PIK3C2G: variants seen among roughly 807,000 people sequenced by gnomAD.
PIK3C2G encodes the protein phosphatidylinositol-4-phosphate 3-kinase catalytic subunit type 2 gamma.
A neutral mutation model predicts 181.1 loss-of-function variants in PIK3C2G; 168 were observed. The ratio of observed to expected loss-of-function variants is 0.93; its 90% confidence interval spans 0.82 to 1.05. The LOEUF (loss-of-function observed/expected upper bound fraction) is 1.05. PIK3C2G is among the 50% of genes least tolerant of loss of function. The pLI is 0.00. For missense variants in PIK3C2G, 1,869 were observed against 1,732.8 expected, an observed-to-expected ratio of 1.08 and a Z score of -1.40; for synonymous variants, 573 against 592.2, an observed-to-expected ratio of 0.97 and a Z score of 0.47.
At chr12:18,488,395 G>A (rs1475118670) in intron 18 of PIK3C2G, 54 bp from the exon 19 acceptor site, 2 of 1,270,448 alleles carry the variant, frequency 1.6e-6, no homozygotes, top group Non-Finnish European at 2.1e-6. Context: ...GGCTGGATGT[G>A]GTTTAAAAAA....
At chr12:18,693,297 AT>A in the PIK3C2G span, 1 of 1,527,702 alleles carries the variant, frequency 6.5e-7, no homozygotes. Flanking sequence ...GGTCACAGTG[AT>A]GAAGGTGGAA....
chr12:18,279,052 G>A (rs1421369716), intron 1 of PIK3C2G, among the ~76,000 whole-genome samples: 1 of 151,956 alleles, frequency 6.6e-6, no homozygotes, highest in Non-Finnish European at 1.5e-5. Context: ...AAATTAAAAA[G>A]TTTTTAACCC....
chr12:18,601,303 C>A (rs1047571712), intron 30 of PIK3C2G, among the ~76,000 whole-genome samples: 9 of 151,540 alleles, frequency 5.9e-5, no homozygotes, highest in Non-Finnish European at 1.3e-4. Flanking sequence ...AAAAAAAATC[C>A]TGTCATTTGT....
At chr12:18,369,438 C>T (rs991252016) in intron 12 of PIK3C2G, among the ~76,000 whole-genome samples, 7 of 151,718 alleles carry the variant, frequency 4.6e-5, no homozygotes, top group African/African-American at 1.7e-4. Context: ...GACATATGAT[C>T]ATATAACGAT....
At chr12:18,529,104 C>G (rs1470883444) in intron 24 of PIK3C2G, among the ~76,000 whole-genome samples, 2 of 142,388 alleles carry the variant, frequency 1.4e-5, no homozygotes, top group Non-Finnish European at 3.0e-5. Context: ...ACAGCCTACG[C>G]TTTTTCCAGC....
the PIK3C2G span, among the ~76,000 whole-genome samples, chr12:18,656,600 G>A: frequency 8.4e-3 from 1,279 of 151,990 alleles, 22 homozygotes; most frequent in African/African-American, 0.029. Context: ...GCCAGGCATG[G>A]TTACATGCAC....
intron 16 of PIK3C2G, among the ~76,000 whole-genome samples, chr12:18,408,864 G>C (rs993738249): frequency 6.6e-6 from 1 of 152,184 alleles, no homozygotes. Flanking sequence ...TCTCAGGACA[G>C]TTAGAATGGC....
the PIK3C2G span, among the ~76,000 whole-genome samples, chr12:18,724,548 G>T: frequency 6.6e-6 from 1 of 152,060 alleles, no homozygotes; most frequent in Non-Finnish European, 1.5e-5. Flanking sequence ...TTGTGTCATG[G>T]TGGGATCTGT....
chr12:18,721,290 A>C, the PIK3C2G span, among the ~76,000 whole-genome samples: 2 of 151,492 alleles, frequency 1.3e-5, no homozygotes, highest in South Asian at 2.1e-4. Context: ...TCACATACCA[A>C]TGAGGGATGA....
chr12:18,630,849 A>G (rs1367651933), intron 31 of PIK3C2G, among the ~76,000 whole-genome samples: 1 of 152,142 alleles, frequency 6.6e-6, no homozygotes, highest in Non-Finnish European at 1.5e-5. Flanking sequence ...ACCATGAGTA[A>G]GGAAGTCCTC....
chr12:18,644,063 G>T (rs1949987692), intron 32 of PIK3C2G, among the ~76,000 whole-genome samples: 1 of 152,106 alleles, frequency 6.6e-6, no homozygotes, highest in African/African-American at 2.4e-5. Flanking sequence ...GAGAGGGGCT[G>T]GGTCGGGGAC....
chr12:18,589,844 T>C (rs1392937476), intron 29 of PIK3C2G, among the ~76,000 whole-genome samples: 2 of 152,012 alleles, frequency 1.3e-5, no homozygotes, highest in African/African-American at 4.8e-5. Flanking sequence ...AGGATTGTAA[T>C]GCTTTTCTTC....
chr12:18,723,210 A>G, the PIK3C2G span: 3 of 1,047,298 alleles, frequency 2.9e-6, no homozygotes, highest in Non-Finnish European at 2.8e-6. Flanking sequence ...TAATTTGATA[A>G]CCACAATTCA....
chr12:18,487,822 G>A (rs1163756358), intron 18 of PIK3C2G, among the ~76,000 whole-genome samples: 2 of 151,980 alleles, frequency 1.3e-5, no homozygotes, highest in Non-Finnish European at 2.9e-5. Flanking sequence ...CAGCTCTATA[G>A]CTTTATAGAA....
At chr12:18,557,328 T>C (rs1193449373) in intron 26 of PIK3C2G, among the ~76,000 whole-genome samples, 1 of 151,214 alleles carries the variant, frequency 6.6e-6, no homozygotes, top group Non-Finnish European at 1.5e-5. Context: ...CACAAACAAA[T>C]CAAAATAACA....
intron 22 of PIK3C2G, among the ~76,000 whole-genome samples, chr12:18,501,439 G>T (rs1941472609): frequency 6.6e-6 from 1 of 152,112 alleles, no homozygotes; most frequent in Admixed American, 6.5e-5. Context: ...CCTCCCACCA[G>T]GTCCCTCCTT....
At chr12:18,682,986 A>G in the PIK3C2G span, among the ~76,000 whole-genome samples, 1 of 152,040 alleles carries the variant, frequency 6.6e-6, no homozygotes, top group Non-Finnish European at 1.5e-5. Context: ...AAGCCAGTTG[A>G]AAACAACTCA....
At chr12:18,620,368 A>G (rs1218401640) in intron 31 of PIK3C2G, among the ~76,000 whole-genome samples, 1 of 152,102 alleles carries the variant, frequency 6.6e-6, no homozygotes, top group African/African-American at 2.4e-5. Flanking sequence ...TTTGCCCTCA[A>G]AAATACTTTT....
In PIK3C2G at chr12:18,500,007, G is replaced by A. The variant is rs527342181; in HGVS notation, c.3016+2259G>A. Among the ~76,000 whole-genome samples the A allele has an allele frequency of 3.9e-5, 6 of 152,362 alleles. No individual in the cohort carries two copies. In the East Asian group the frequency reaches 1.2e-3, roughly 29 times the overall value. On this transcript the variant is annotated intron_variant, in intron 22 of 32. Coordinates refer to ENST00000538779, the MANE Select transcript of PIK3C2G (RefSeq NM_001288772.2). The stretch of plus-strand genomic sequence containing the variant: ...CTGGCAGTCCTCACAGCCCTCGCTC[G>A]CTCTCGGCGCCTCCTCTGCCTGGGC...
Sources: allele counts gnomAD v4.1 joint callset (sites outside exome capture counted in the v4.1 genomes callset), GRCh38; gene constraint gnomAD v4.1.1; transcripts MANE v1.5; gene names NCBI Gene and HGNC (gene_info 2026-07-23, HGNC 2026-07-21).